Variants in RASAL2 observed in about 807,000 individuals in gnomAD.
RASAL2 encodes the protein ras GTPase-activating protein nGAP.
A neutral mutation model predicts 128.9 loss-of-function variants in RASAL2; 58 were observed. That is an observed-to-expected ratio of 0.45 (90% CI 0.36 to 0.56). The LOEUF is 0.56. Ranked by LOEUF, RASAL2 falls within the 20% of genes least tolerant of loss-of-function variation. The probability of loss-of-function intolerance (pLI) is 0.00; values close to 1 mark genes in which losing one functional copy is unlikely to be tolerated. For synonymous variants in RASAL2, 561 were observed against 580.8 expected (o/e 0.97, Z 0.49); for missense variants, 1,360 against 1,601.6 (o/e 0.85, Z 2.57).
intron 1 of RASAL2, among the ~76,000 whole-genome samples, chr1:178,168,999 A>G (rs1056128443): frequency 2.6e-5 from 4 of 152,114 alleles, no homozygotes; most frequent in Non-Finnish European, 1.5e-5. Context: ...AAAAAGATCA[A>G]TGAAGTTATC....
At chr1:178,126,268 T>C (rs930610144) in intron 1 of RASAL2, among the ~76,000 whole-genome samples, 3 of 152,208 alleles carry the variant, frequency 2.0e-5, no homozygotes, top group African/African-American at 7.2e-5. Flanking sequence ...TAGCCTGTTG[T>C]CTAGTTGCAG....
intron 1 of RASAL2, among the ~76,000 whole-genome samples, chr1:178,100,380 G>A (rs1345151304): frequency 6.7e-6 from 1 of 150,310 alleles, no homozygotes; most frequent in Non-Finnish European, 1.5e-5. Context: ...AAAAAAATTA[G>A]CAGGGCATGG....
rs540718692 is a variant in RASAL2, at chr1:178,285,297, T to C, written c.330+1606T>C. On this transcript the variant is annotated intron_variant, in intron 2 of 17. Transcript: ENST00000367649. The stretch of plus-strand genomic sequence containing the variant: ...CACCGCGCCCGGCTAATTTTTTGTA[T>C]TTTTAGTAGAGACGGGGTTTCACCT... 4.0e-5 allele frequency among the ~76,000 whole-genome samples: 6 copies of C among 151,208 alleles called. No homozygotes were observed. In the South Asian group the frequency reaches 1.3e-3, roughly 32 times the overall value.
At chr1:178,168,240 A>G (rs1661582614) in intron 1 of RASAL2, among the ~76,000 whole-genome samples, 1 of 151,824 alleles carries the variant, frequency 6.6e-6, no homozygotes, top group Non-Finnish European at 1.5e-5. Flanking sequence ...ACAAATAACT[A>G]AGATTTAGTC....
At chr1:178,188,104 T>C (rs1255998356) in intron 1 of RASAL2, among the ~76,000 whole-genome samples, 1 of 152,128 alleles carries the variant, frequency 6.6e-6, no homozygotes, top group Non-Finnish European at 1.5e-5. Flanking sequence ...TCCCTAGCAG[T>C]TTTCTTTGCC....
chr1:178,138,908 A>G (rs1277523431), intron 1 of RASAL2, among the ~76,000 whole-genome samples: 1 of 152,236 alleles, frequency 6.6e-6, no homozygotes, highest in African/African-American at 2.4e-5. Flanking sequence ...TAGAAATATA[A>G]CAGTGATTGG....
intron 10 of RASAL2, 36 bp from the exon 11 acceptor site, chr1:178,452,380 G>A (rs1677436626): frequency 1.3e-6 from 2 of 1,557,014 alleles, no homozygotes. Flanking sequence ...TGGTACTTCT[G>A]TGTTTAGAGG....
intron 4 of RASAL2, among the ~76,000 whole-genome samples, chr1:178,404,340 A>G (rs1456618100): frequency 1.3e-5 from 2 of 151,880 alleles, no homozygotes; most frequent in Non-Finnish European, 2.9e-5. Context: ...TATGAAAACA[A>G]TGTTCAAATT....
At chr1:178,116,703 G>A (rs1471336627) in intron 1 of RASAL2, among the ~76,000 whole-genome samples, 1 of 152,050 alleles carries the variant, frequency 6.6e-6, no homozygotes, top group African/African-American at 2.4e-5. Flanking sequence ...TTCACCTCCT[G>A]CGTTCACGCC....
intron 1 of RASAL2, among the ~76,000 whole-genome samples, chr1:178,272,748 T>A (rs1264709329): frequency 2.0e-5 from 3 of 152,092 alleles, no homozygotes; most frequent in Admixed American, 6.5e-5. Context: ...GCCAACATGG[T>A]TAAACCCTGT....
At chr1:178,322,058 C>T (rs181617548) in intron 3 of RASAL2, among the ~76,000 whole-genome samples, 2 of 151,844 alleles carry the variant, frequency 1.3e-5, no homozygotes, top group Non-Finnish European at 2.9e-5. Flanking sequence ...GTCTCAAACT[C>T]CTCACCTCAA....
At chr1:178,269,476 G>C (rs1354601578) in intron 1 of RASAL2, among the ~76,000 whole-genome samples, 1 of 152,194 alleles carries the variant, frequency 6.6e-6, no homozygotes, top group African/African-American at 2.4e-5. Context: ...TTCCCAGATG[G>C]TTAAGGCATT....
intron 3 of RASAL2, among the ~76,000 whole-genome samples, chr1:178,365,485 T>TGTTATGTTAC (rs1359024364): frequency 6.8e-6 from 1 of 147,688 alleles, no homozygotes; most frequent in African/African-American, 2.5e-5. Context: ...TGTTATGTTA[T>TGTTATGTTAC]GTTATTTTGA....
chr1:178,416,497 TAAATC>T (rs1207676039), intron 4 of RASAL2, among the ~76,000 whole-genome samples: 1 of 151,354 alleles, frequency 6.6e-6, no homozygotes, highest in African/African-American at 2.5e-5. Flanking sequence ...ACTTCAATAT[TAAATC>T]AATTAAGAAG....
At chr1:178,151,465 G>A (rs1370626329) in intron 1 of RASAL2, among the ~76,000 whole-genome samples, 1 of 152,178 alleles carries the variant, frequency 6.6e-6, no homozygotes, top group African/African-American at 2.4e-5. Context: ...ACAAGATTAT[G>A]TATTGATCAG....
intron 1 of RASAL2, among the ~76,000 whole-genome samples, chr1:178,266,695 A>G (rs1478131937): frequency 6.6e-6 from 1 of 152,232 alleles, no homozygotes; most frequent in Admixed American, 6.5e-5. Context: ...AGTGCGGCAG[A>G]AACCAGCCAG....
rs115671388 is a variant in RASAL2, at chr1:178,368,838, A to G, written c.458-21262A>G. Among the ~76,000 whole-genome samples the G allele has an allele frequency of 1.5e-3, 228 of 151,994 alleles. 1 individual carries two copies. The highest frequency in any genetic ancestry group is 4.5e-3 in the African/African-American group (188 of 41,456). On this transcript the variant is annotated intron_variant, in intron 3 of 17. Coordinates refer to ENST00000367649, the MANE Select transcript of RASAL2 (RefSeq NM_170692.4). ...TTTTTCGTAGAAGTGGGGTCTCACT[A>G]TGTTGCCCATGGTGTTATCAAACTC...
At position 178,119,787 on chromosome 1, in the gene RASAL2, G is replaced by A. The variant is rs1275079277; in HGVS notation, c.202+25093G>A. ...CTTGTCAATCTGGATTGCCTACCAC[G>A]GTGACTCACTAATCCTCTCTAACGA... On this transcript the variant is annotated intron_variant, in intron 1 of 17. Transcript: ENST00000367649. Among the ~76,000 whole-genome samples the A allele has an allele frequency of 3.3e-5, 5 of 152,138 alleles. No homozygotes were observed. In the East Asian group the frequency reaches 5.8e-4, roughly 18 times the overall value.
chr1:178,393,331 G>A (rs964857333), intron 4 of RASAL2, among the ~76,000 whole-genome samples: 3 of 152,166 alleles, frequency 2.0e-5, no homozygotes, highest in Non-Finnish European at 4.4e-5. Context: ...TCTGCAACTA[G>A]ACGGTCCCAT....
Sources: gnomAD v4.1 joint callset for allele counts (sites outside exome capture counted in the v4.1 genomes callset) on GRCh38, gnomAD v4.1.1 for gene constraint, MANE v1.5 for transcripts, NCBI Gene and HGNC (gene_info 2026-07-23, HGNC 2026-07-21) for gene names.